Variants in INTS13 observed in about 807,000 individuals in gnomAD.
The protein encoded by INTS13 is asunder, spermatogenesis regulator homolog (Drosphila).
A neutral mutation model predicts 90.2 loss-of-function variants in INTS13; 35 were observed. That is an observed-to-expected ratio of 0.39 (90% CI 0.30 to 0.51). The LOEUF (loss-of-function observed/expected upper bound fraction) is 0.51. Ranked by LOEUF, INTS13 falls within the 20% of genes least tolerant of loss-of-function variation. The probability of loss-of-function intolerance (pLI) is 0.80; values close to 1 mark genes in which losing one functional copy is unlikely to be tolerated. For missense variants in INTS13, 601 were observed against 851.2 expected, an observed-to-expected ratio of 0.71 and a Z score of 3.66; for synonymous variants, 309 against 277.1, an observed-to-expected ratio of 1.11 and a Z score of -1.14.
At chr12:26,932,439 C>T (rs1361776390) in intron 3 of INTS13, among the ~76,000 whole-genome samples, 1 of 152,206 alleles carries the variant, frequency 6.6e-6, no homozygotes, top group Non-Finnish European at 1.5e-5. Flanking sequence ...CTTACTTACA[C>T]CCTACCCGTG....
In INTS13 at chr12:26,934,556, C is replaced by G; in HGVS notation, c.300G>C (p.Glu100Asp). The part of the protein sequence containing the change: ...SWTQEDQNLQ[E>D]LMAALAAVGP... ...GCCACAGCTCAAAATCTAACCATAC[C>G]TCCTGTAAATTTTGGTCTTCTTGAG... The change falls in exon 3 of 17, where the codon GAG (glutamate) becomes GAC (aspartate). Residue 100 changes from glutamate to aspartate, a missense_variant and splice_region_variant. This residue lies in a region of INTS13 where 284 missense variants were observed against 387.7 expected (regional missense o/e 0.73). Coordinates refer to ENST00000261191, the MANE Select transcript of INTS13 (RefSeq NM_018164.3). The G allele has an allele frequency of 6.2e-7, 1 of 1,605,500 alleles. No homozygotes were observed. The highest frequency in any genetic ancestry group is 8.5e-7 in the Non-Finnish European group (1 of 1,172,382).
At chr12:26,921,711 A>G (rs1952123067) in intron 8 of INTS13, among the ~76,000 whole-genome samples, 1 of 152,202 alleles carries the variant, frequency 6.6e-6, no homozygotes, top group Non-Finnish European at 1.5e-5. Context: ...GTTGGGGTGT[A>G]GTGGCATGAT....
At chr12:26,928,944 G>A (rs754761578) in intron 3 of INTS13, 39 bp from the exon 4 acceptor site, 2 of 1,547,772 alleles carry the variant, frequency 1.3e-6, no homozygotes, top group African/African-American at 1.4e-5. Context: ...ACAAGAGTAT[G>A]TGCAATTCAG....
chr12:26,925,000 G>A (rs1017105377), intron 6 of INTS13, among the ~76,000 whole-genome samples: 1 of 151,864 alleles, frequency 6.6e-6, no homozygotes, highest in Non-Finnish European at 1.5e-5. Context: ...ACTCATTCCA[G>A]GGCAATAATA....
At position 26,905,534 on chromosome 12, in the gene INTS13, A is replaced by T; in HGVS notation, c.2084T>A (p.Met695Lys). 1 of 1,611,710 alleles carries T rather than the reference A, an allele frequency of 6.2e-7. No individual in the cohort carries two copies. The change falls in exon 17 of 17, where the codon ATG (methionine) becomes AAG (lysine). Residue 695 changes from methionine (M) to lysine (K), a missense_variant and splice_region_variant. Physicochemically the swap from Met to Lys is moderately conservative, Grantham distance 95. Coordinates refer to ENST00000261191, the MANE Select transcript of INTS13 (RefSeq NM_018164.3). ...GGCTTTTCCATTTTCTGTTGTCTCC[A>T]TCCTGAAATAGGAAGAAAAAAACGA... The part of the protein sequence containing the change: ...LYQHLKEENG[M>K]ETTENGKASR...
At chr12:26,913,759 A>C in intron 13 of INTS13, 72 bp from the exon 14 acceptor site, 6 of 1,344,086 alleles carry the variant, frequency 4.5e-6, no homozygotes, top group Non-Finnish European at 2.1e-6. Context: ...AGTAAAAACA[A>C]ATAATGAAAT....
At chr12:26,925,957 A>C (rs1479073375) in intron 5 of INTS13, 106 bp from the exon 6 acceptor site, 2 of 747,692 alleles carry the variant, frequency 2.7e-6, no homozygotes, top group East Asian at 5.5e-5. Context: ...ATATTGCTAC[A>C]ATTAGATATT....
At chr12:26,930,636 A>G (rs1938137549) in intron 3 of INTS13, among the ~76,000 whole-genome samples, 1 of 152,254 alleles carries the variant, frequency 6.6e-6, no homozygotes, top group South Asian at 2.1e-4. Context: ...TTTAAAAGCA[A>G]TGAATGGGAT....
Position 26,918,974 on chromosome 12 carries a change from G to A in INTS13, c.890-1241C>T. ...GCTAGGAGGTCAGGAAACTAGCCTG[G>A]GCAACATAGTGAGACCCTGTCTCTA... On this transcript the variant is annotated intron_variant, in intron 8 of 16. Transcript: ENST00000261191. The A allele has an allele frequency of 1.4e-5, 4 of 285,682 alleles. 1 individual carries two copies. The highest frequency in any genetic ancestry group is 1.1e-4 in the South Asian group (4 of 35,604). 17.7% of individuals were successfully genotyped at this position (285,682 alleles called of 1,614,324 possible).
chr12:26,906,428 G>A lies in INTS13; in HGVS notation c.1955C>T (p.Ser652Leu), dbSNP rs1173961731. 6 of 1,607,172 alleles carry A rather than the reference G, an allele frequency of 3.7e-6. No individual in the cohort carries two copies. The highest frequency in any genetic ancestry group is 1.7e-5 in the Admixed American group (1 of 58,846). ...TCTATTACTCCACAAGGATAATAAC[G>A]ACACTGGCCCTAGTGTTATATTTAA... ...PQVEKSKGPV[S>L]LLSLWSNRIN... Residue 652 changes from serine to leucine, a missense_variant, in exon 16 of 17, where the codon TCG becomes TTG. Ser to Leu is a moderately radical substitution (Grantham distance 145). Transcript: ENST00000261191.
intron 2 of INTS13, 34 bp from the exon 3 acceptor site, chr12:26,934,664 C>A: frequency 1.4e-6 from 2 of 1,439,092 alleles, no homozygotes; most frequent in South Asian, 2.3e-5. Flanking sequence ...TAGTATTCAA[C>A]TCTAATTTCA....
At chr12:26,916,540 C>T (rs1417463264) in intron 10 of INTS13, among the ~76,000 whole-genome samples, 4 of 152,180 alleles carry the variant, frequency 2.6e-5, no homozygotes, top group Admixed American at 6.5e-5. Context: ...ATTAATGCTA[C>T]AGAACATTTG....
intron 11 of INTS13, among the ~76,000 whole-genome samples, chr12:26,915,038 C>T (rs998772949): frequency 2.6e-5 from 4 of 152,070 alleles, no homozygotes; most frequent in African/African-American, 9.7e-5. Flanking sequence ...ACCAGCCTGG[C>T]CAACATGGTG....
In INTS13 at chr12:26,930,358, G is replaced by C. The variant is rs144941677; in HGVS notation, c.301-1453C>G. ...CCAAAACAATCTTCAAAAAGAACAA[G>C]GTAAGAAGAGTCACACTTCCTATTT... On this transcript the variant is annotated intron_variant, in intron 3 of 16. Coordinates refer to ENST00000261191, the MANE Select transcript of INTS13 (RefSeq NM_018164.3). Among the ~76,000 whole-genome samples the C allele has an allele frequency of 1.8e-4, 27 of 152,174 alleles. No homozygotes were observed. In the East Asian group the frequency reaches 4.4e-3, roughly 25 times the overall value.
At chr12:26,914,340 G>T in intron 12 of INTS13, 68 bp downstream of exon 12, 1 of 1,416,684 alleles carries the variant, frequency 7.1e-7, no homozygotes, top group Non-Finnish European at 9.5e-7. Flanking sequence ...ATTACAAATT[G>T]TCTAATTGAT....
intron 3 of INTS13, among the ~76,000 whole-genome samples, chr12:26,929,215 C>T (rs1332484397): frequency 6.6e-6 from 1 of 152,038 alleles, no homozygotes; most frequent in Non-Finnish European, 1.5e-5. Context: ...AGATCCAAAA[C>T]CTTTTCATAA....
Position 26,924,622 on chromosome 12 carries a change from A to G in INTS13, c.676-139T>C. 3.3e-6 allele frequency: 3 copies of G among 906,402 alleles called. No homozygotes were observed. In the South Asian group the frequency reaches 5.8e-5, roughly 18 times the overall value. The allele number at this position is 906,402 out of a possible 1,614,324, so 56.1% of individuals were successfully genotyped here. On this transcript the variant is annotated intron_variant, in intron 6 of 16. Coordinates refer to ENST00000261191, the MANE Select transcript of INTS13 (RefSeq NM_018164.3). ...TTGGAAAAAAAGGATCCATAAATTA[A>G]CCATGACAATTATTTTAGCAATACA...
intron 8 of INTS13, among the ~76,000 whole-genome samples, chr12:26,922,036 T>G (rs1440184051): frequency 6.6e-6 from 1 of 152,232 alleles, no homozygotes; most frequent in African/African-American, 2.4e-5. Flanking sequence ...CTGAGTAGCA[T>G]GATGAAGTCT....
At chr12:26,933,679 AG>A (rs1165764727) in intron 3 of INTS13, among the ~76,000 whole-genome samples, 3 of 152,224 alleles carry the variant, frequency 2.0e-5, no homozygotes, top group African/African-American at 7.2e-5. Flanking sequence ...ATAGGAGTGC[AG>A]TGGGCCTAGA....
Sources: gnomAD v4.1 joint callset for allele counts (sites outside exome capture counted in the v4.1 genomes callset) on GRCh38, gnomAD v4.1.1 for gene constraint, gnomAD v4.1.1 regional missense constraint, MANE v1.5 for transcripts, NCBI Gene and HGNC (gene_info 2026-07-23, HGNC 2026-07-21) for gene names.